The following CDH18 variants were observed in gnomAD, a reference collection of about 807,000 sequenced individuals.
CDH18 encodes cadherin 18.
A neutral mutation model predicts 67.9 loss-of-function variants in CDH18; 31 were observed. The ratio of observed to expected loss-of-function variants is 0.46; its 90% CI spans 0.34 to 0.62. The LOEUF is 0.62. CDH18 is among the 20% of genes least tolerant of loss of function. The probability of loss-of-function intolerance (pLI) is 0.01; values close to 1 mark genes in which losing one functional copy is unlikely to be tolerated. For synonymous variants in CDH18, 362 were observed against 347.2 expected (o/e 1.04, Z -0.48); for missense variants, 890 against 975.5 (o/e 0.91, Z 1.17).
At chr5:20,353,602 C>T (rs891233070) in intron 1 of CDH18, among the ~76,000 whole-genome samples, 1 of 152,154 alleles carries the variant, frequency 6.6e-6, no homozygotes, top group Non-Finnish European at 1.5e-5. Flanking sequence ...ACCTGGAGTT[C>T]AGGAATTCAG....
At chr5:20,102,886 T>C (rs964102785) in intron 2 of CDH18, among the ~76,000 whole-genome samples, 4 of 152,190 alleles carry the variant, frequency 2.6e-5, no homozygotes, top group Non-Finnish European at 5.9e-5. Flanking sequence ...TAAATTCTCC[T>C]TCCTACAAAA....
At chr5:20,092,273 C>T (rs922022137) in intron 2 of CDH18, among the ~76,000 whole-genome samples, 3 of 151,940 alleles carry the variant, frequency 2.0e-5, no homozygotes, top group Admixed American at 1.3e-4. Context: ...AAAAGATTAC[C>T]CTCCCTTTGA....
chr5:20,103,649 C>T (rs6896457), intron 2 of CDH18, among the ~76,000 whole-genome samples: 18,622 of 150,378 alleles, frequency 0.12, 1,356 homozygotes, highest in African/African-American at 0.19. Flanking sequence ...AGGAGAATCA[C>T]TTGAACCCGG....
chr5:20,093,868 A>G (rs944375121), intron 2 of CDH18, among the ~76,000 whole-genome samples: 1 of 152,162 alleles, frequency 6.6e-6, no homozygotes, highest in African/African-American at 2.4e-5. Context: ...AGGATATAAA[A>G]CTTGAAGTTC....
At chr5:20,562,991 G>GTTT (rs60380534) in intron 1 of CDH18, among the ~76,000 whole-genome samples, 2 of 142,526 alleles carry the variant, frequency 1.4e-5, no homozygotes, top group African/African-American at 2.5e-5. Flanking sequence ...GAGAAGGTAG[G>GTTT]TTTTTTTTTT....
chr5:19,904,588 C>G (rs1486524539), intron 2 of CDH18, among the ~76,000 whole-genome samples: 1 of 152,116 alleles, frequency 6.6e-6, no homozygotes, highest in Non-Finnish European at 1.5e-5. Context: ...AGTGAAAGAT[C>G]GTCATCACTC....
chr5:20,214,466 A>C (rs1453737620), intron 2 of CDH18, among the ~76,000 whole-genome samples: 1 of 152,132 alleles, frequency 6.6e-6, no homozygotes, highest in Non-Finnish European at 1.5e-5. Flanking sequence ...TCACCAAAAC[A>C]GCATAGTACT....
intron 2 of CDH18, among the ~76,000 whole-genome samples, chr5:20,237,059 A>G (rs1392793053): frequency 2.6e-5 from 4 of 151,970 alleles, no homozygotes; most frequent in Admixed American, 1.3e-4. Flanking sequence ...ATGATACTCT[A>G]CATATAACAA....
At chr5:20,399,320 C>T (rs1415101040) in intron 1 of CDH18, among the ~76,000 whole-genome samples, 2 of 151,704 alleles carry the variant, frequency 1.3e-5, no homozygotes, top group African/African-American at 4.8e-5. Flanking sequence ...AATTTATGTC[C>T]ACATAACAAA....
chr5:20,501,716 T>C (rs1262128575), intron 1 of CDH18, among the ~76,000 whole-genome samples: 2 of 67,256 alleles, frequency 3.0e-5, no homozygotes, highest in African/African-American at 9.0e-5. Context: ...ATCTTAAGGA[T>C]TTGTGTGTGT....
intron 1 of CDH18, among the ~76,000 whole-genome samples, chr5:20,335,206 G>T (rs1739611471): frequency 6.6e-6 from 1 of 151,934 alleles, no homozygotes; most frequent in African/African-American, 2.4e-5. Context: ...TTTCTCTGTA[G>T]CAAGGTGGAC....
intron 5 of CDH18, among the ~76,000 whole-genome samples, chr5:19,633,154 G>C (rs755386942): frequency 1.3e-5 from 2 of 152,112 alleles, no homozygotes; most frequent in African/African-American, 2.4e-5. Context: ...GATTTACTAC[G>C]TAGTGTCTTC....
chr5:20,484,078 A>G (rs1413395536), intron 1 of CDH18, among the ~76,000 whole-genome samples: 1 of 152,010 alleles, frequency 6.6e-6, no homozygotes, highest in Admixed American at 6.6e-5. Context: ...AAACAACTCT[A>G]TAGGAACAAA....
chr5:20,268,399 G>A (rs189108167), intron 1 of CDH18, among the ~76,000 whole-genome samples: 1 of 152,098 alleles, frequency 6.6e-6, no homozygotes, highest in East Asian at 1.9e-4. Flanking sequence ...TCTTTCTCTT[G>A]CCTGATTGTT....
chr5:20,128,121 A>C (rs181026352), intron 2 of CDH18, among the ~76,000 whole-genome samples: 1 of 152,136 alleles, frequency 6.6e-6, no homozygotes, highest in South Asian at 2.1e-4. Context: ...TACTACAGAA[A>C]AGTCTTTTTT....
intron 1 of CDH18, among the ~76,000 whole-genome samples, chr5:20,557,811 C>A (rs1703070): frequency 0.7 from 101,181 of 145,092 alleles, 36,088 homozygotes; most frequent in East Asian, 0.98. Context: ...ATAAATAATT[C>A]TATAACAGTG....
intron 2 of CDH18, among the ~76,000 whole-genome samples, chr5:19,924,304 TC>T (rs1481685296): frequency 6.6e-6 from 1 of 152,152 alleles, no homozygotes; most frequent in Non-Finnish European, 1.5e-5. Context: ...TTTTAAGATA[TC>T]TTTTTGCATT....
intron 1 of CDH18, among the ~76,000 whole-genome samples, chr5:20,275,391 G>GT (rs1371131776): frequency 2.0e-5 from 3 of 152,084 alleles, no homozygotes; most frequent in African/African-American, 7.2e-5. Flanking sequence ...TACCATGACT[G>GT]TAAGTTTTCT....
chr5:19,644,380 C>CA (rs78872775), intron 5 of CDH18, among the ~76,000 whole-genome samples: 22 of 149,374 alleles, frequency 1.5e-4, no homozygotes, highest in South Asian at 8.5e-4. Context: ...TTCACCCCGC[C>CA]AAAAAAAAAT....
Sources: allele counts gnomAD v4.1 joint callset (sites outside exome capture counted in the v4.1 genomes callset), GRCh38; gene constraint gnomAD v4.1.1; transcripts MANE v1.5; gene names NCBI Gene and HGNC (gene_info 2026-07-23, HGNC 2026-07-21).